Variants in PHTF1 observed in about 807,000 individuals in gnomAD.
The protein encoded by PHTF1 is protein PHTF1.
A neutral mutation model predicts 102.4 loss-of-function variants in PHTF1; 88 were observed. The ratio of observed to expected loss-of-function variants is 0.86; its 90% confidence interval spans 0.72 to 1.03. PHTF1 has a LOEUF of 1.03. Ranked by LOEUF, PHTF1 falls within the 50% of genes least tolerant of loss-of-function variation. The probability of loss-of-function intolerance (pLI) is 0.00; values close to 1 mark genes in which losing one functional copy is unlikely to be tolerated. For missense variants in PHTF1, 814 were observed against 909.5 expected, an observed-to-expected ratio of 0.89 and a Z score of 1.35; for synonymous variants, 289 against 305.2, an observed-to-expected ratio of 0.95 and a Z score of 0.55.
At chr1:113,750,848 A>G (rs1571251823) in intron 3 of PHTF1, among the ~76,000 whole-genome samples, 1 of 151,744 alleles carries the variant, frequency 6.6e-6, no homozygotes, top group East Asian at 1.9e-4. Flanking sequence ...TGTCTCCAAA[A>G]AAAAAAAAAA....
At chr1:113,703,455 G>T (rs1649664902) in intron 15 of PHTF1, among the ~76,000 whole-genome samples, 1 of 152,128 alleles carries the variant, frequency 6.6e-6, no homozygotes, top group Non-Finnish European at 1.5e-5. Context: ...GGTTTCTAGG[G>T]GCTCCCACTG....
In PHTF1 at chr1:113,713,897, A is replaced by G. The variant is rs1043925293; in HGVS notation, c.624-459T>C. 6 of 155,472 alleles carry G rather than the reference A, an allele frequency of 3.9e-5. No homozygotes were observed. The Admixed American group carries it at 3.9e-4, about 10-fold the overall frequency. 9.6% of individuals were successfully genotyped at this position (155,472 alleles called of 1,614,324 possible). ...TGTTCACAGCCCAGGAAGAGACAGA[A>G]GAGTAAAAAGGACTTTGTCTTGCAA... is the stretch of plus-strand genomic sequence containing the variant. On this transcript the variant is annotated intron_variant, in intron 7 of 18. Transcript: ENST00000369604.
intron 3 of PHTF1, among the ~76,000 whole-genome samples, chr1:113,745,865 C>T (rs923799528): frequency 2.0e-5 from 3 of 152,278 alleles, no homozygotes; most frequent in Non-Finnish European, 2.9e-5. Context: ...ACAATTATTT[C>T]ATTATATATT....
chr1:113,742,160 G>A (rs888005084), intron 3 of PHTF1, among the ~76,000 whole-genome samples: 20 of 152,100 alleles, frequency 1.3e-4, no homozygotes, highest in Middle Eastern at 6.4e-3. Flanking sequence ...ATCATACAGC[G>A]TAGTCACACA....
intron 3 of PHTF1, among the ~76,000 whole-genome samples, chr1:113,744,317 CA>C (rs1273360457): frequency 6.6e-6 from 1 of 152,150 alleles, no homozygotes; most frequent in Non-Finnish European, 1.5e-5. Flanking sequence ...GGTATTGATG[CA>C]ATATAATTGG....
Position 113,759,404 on chromosome 1 carries a change from G to T in PHTF1, c.-412C>A, listed in dbSNP as rs184925780. ...GGTGCAAAGGCCCCGGACCCCGAGA[G>T]CCCGGGAGCCCGGGAGGAGGAGGCG... is the stretch of plus-strand genomic sequence containing the variant. On this transcript the variant is annotated 5_prime_UTR_variant, in exon 1 of 19. Coordinates refer to ENST00000369604, the MANE Select transcript of PHTF1 (RefSeq NM_001323043.2). The T allele has an allele frequency of 2.6e-3, 353 of 135,446 alleles. 3 individuals are homozygous for T. Among genetic ancestry groups the T allele is most frequent in the Admixed American group, 5.5e-3 (75 of 13,530 alleles). The allele number at this position is 135,446 out of a possible 1,614,324, so 8.4% of individuals were successfully genotyped here. A position where few individuals can be genotyped will look rare whatever the true frequency, so the allele number is the denominator to read the frequency against.
chr1:113,713,705 A>AC, intron 7 of PHTF1: 1 of 347,450 alleles, frequency 2.9e-6, no homozygotes, highest in South Asian at 3.1e-5. Flanking sequence ...AAGTAGGTTC[A>AC]CAGTCCTCTC....
chr1:113,721,156 C>T (rs556680775), intron 7 of PHTF1, among the ~76,000 whole-genome samples: 10 of 152,156 alleles, frequency 6.6e-5, no homozygotes, highest in African/African-American at 1.4e-4. Context: ...TCATTCATCA[C>T]GACCAAGTAG....
At position 113,715,648 on chromosome 1, in the gene PHTF1, C is replaced by CA. The variant is rs60517410; in HGVS notation, c.624-2211dup. Among the ~76,000 whole-genome samples the CA allele has an allele frequency of 2.4e-3, 60 of 24,978 alleles. 6 individuals carry two copies. Among genetic ancestry groups the CA allele is most frequent in the East Asian group, 0.014 (4 of 276 alleles). 16.4% of individuals were successfully genotyped at this position (24,978 alleles called of 152,430 possible). A position where few individuals can be genotyped will look rare whatever the true frequency, so the allele number is the denominator to read the frequency against. ...GAGCAATGACAGTGAAACCCTGTCT[C>CA]AAAAAAAAAAAAAAAAAAAAAAAAA... On this transcript the variant is annotated intron_variant, in intron 7 of 18. Transcript: ENST00000369604.
intron 3 of PHTF1, 94 bp from the exon 4 acceptor site, chr1:113,738,893 C>G: frequency 1.1e-6 from 1 of 870,944 alleles, no homozygotes; most frequent in Non-Finnish European, 1.8e-6. Context: ...CTCTTGTAGC[C>G]CAGGCTGGAG....
intron 5 of PHTF1, 40 bp from the exon 6 acceptor site, chr1:113,726,614 C>G (rs1032926021): frequency 1.6e-6 from 2 of 1,243,030 alleles, no homozygotes; most frequent in Non-Finnish European, 2.2e-6. Flanking sequence ...CATTAGAGCT[C>G]TTCTTTAAAA....
intron 5 of PHTF1, among the ~76,000 whole-genome samples, chr1:113,728,301 T>C (rs1045244046): frequency 6.6e-5 from 10 of 152,290 alleles, no homozygotes; most frequent in African/African-American, 2.4e-4. Flanking sequence ...AAGATCTGAA[T>C]AGACATTTCT....
In PHTF1 at chr1:113,715,648, C is replaced by CAAAAAAAAAAAAAAAAA. The variant is rs60517410; in HGVS notation, c.624-2227_624-2211dup. On this transcript the variant is annotated intron_variant, in intron 7 of 18. Transcript: ENST00000369604. ...GAGCAATGACAGTGAAACCCTGTCTCAAAAAAAAAAAAAAAAAAAAAAAAA... is the reference window on the plus strand; with the variant it reads ...GAGCAATGACAGTGAAACCCTGTCTCAAAAAAAAAAAAAAAAAAAAAAAAAAAAAAAAAAAAAAAAAA... Among the ~76,000 whole-genome samples, 19 of 24,978 alleles carry CAAAAAAAAAAAAAAAAA rather than the reference C, an allele frequency of 7.6e-4. 1 individual carries two copies. Among genetic ancestry groups the CAAAAAAAAAAAAAAAAA allele is most frequent in the East Asian group, 3.6e-3 (1 of 276 alleles). 16.4% of individuals were successfully genotyped at this position (24,978 alleles called of 152,430 possible).
intron 18 of PHTF1, 90 bp downstream of exon 18, chr1:113,698,152 AACACACACACACACACACAC>A (rs59861045): frequency 1.5e-5 from 8 of 549,658 alleles, no homozygotes; most frequent in Non-Finnish European, 2.2e-5. Flanking sequence ...GCATGCTAGA[AACACACACACACACACACAC>A]ACACACACAC....
rs1252432281 is a variant in PHTF1, at chr1:113,700,928, A to C, written c.1912T>G (p.Phe638Val). ...TCCCAGTTATAAGCATCATTCAGGA[A>C]AGTTTTATGTCCTTGGAGAACCTAT... is the stretch of plus-strand genomic sequence containing the variant. ...CAQVLQGHKT[F>V]LNDAYNWEFL... The change falls in exon 16 of 19, where the codon TTC becomes GTC. Residue 638 changes from phenylalanine (F) to valine (V), a missense_variant. Coordinates refer to ENST00000369604, the MANE Select transcript of PHTF1 (RefSeq NM_001323043.2). 16 of 1,611,088 alleles carry C rather than the reference A, an allele frequency of 9.9e-6. No homozygotes were observed. Among genetic ancestry groups the C allele is most frequent in the Non-Finnish European group, 1.3e-5 (15 of 1,179,124 alleles).
rs555108515 is a variant in PHTF1, at chr1:113,699,808, A to G, written c.2047-9T>C. 5 of 1,011,550 alleles carry G rather than the reference A, an allele frequency of 4.9e-6. No individual in the cohort carries two copies. The South Asian group carries it at 7.2e-5, about 15-fold the overall frequency. 62.7% of individuals were successfully genotyped at this position (1,011,550 alleles called of 1,614,324 possible). A position where few individuals can be genotyped will look rare whatever the true frequency, so the allele number is the denominator to read the frequency against. On this transcript the variant is annotated splice_polypyrimidine_tract_variant and intron_variant, in intron 16 of 18. Transcript: ENST00000369604. Reference sequence around the variant, plus strand: ...TTAAGATATAAATTAATCTAAGGGAAGGAATAGAAATTAAGGTAAATTTCT... The same window carrying G: ...TTAAGATATAAATTAATCTAAGGGAGGGAATAGAAATTAAGGTAAATTTCT...
chr1:113,757,740 G>C lies in PHTF1; in HGVS notation c.61C>G (p.Gln21Glu). 6.2e-7 allele frequency: 1 copy of C among 1,605,058 alleles called. No homozygotes were observed. Among genetic ancestry groups the C allele is most frequent in the Admixed American group, 1.7e-5 (1 of 60,018 alleles). ...TCGATTGACTTTTCCCATATCTGCT[G>C]ATCGTAGGCTCCAATCTGAAAGAGG... ...WYQKKIGAYD[Q>E]QIWEKSIEQT... Residue 21 changes from glutamine to glutamate, a missense_variant, in exon 3 of 19, where the codon CAG becomes GAG. Coordinates refer to ENST00000369604, the MANE Select transcript of PHTF1 (RefSeq NM_001323043.2).
chr1:113,738,094 C>T lies in PHTF1; in HGVS notation c.331+16G>A, dbSNP rs1189789067. On this transcript the variant is annotated intron_variant, in intron 5 of 18. Coordinates refer to ENST00000369604, the MANE Select transcript of PHTF1 (RefSeq NM_001323043.2). ...AAAAAGAAACTGTCATTGCTTATTC[C>T]AATTTCTCCAATTACCTTGCATGAA... 2 of 1,567,406 alleles carry T rather than the reference C, an allele frequency of 1.3e-6. No individual in the cohort carries two copies. Among genetic ancestry groups the T allele is most frequent in the African/African-American group, 1.4e-5 (1 of 73,568 alleles).
intron 15 of PHTF1, among the ~76,000 whole-genome samples, chr1:113,702,362 AAAGT>A (rs988871344): frequency 5.6e-4 from 86 of 152,266 alleles, no homozygotes; most frequent in African/African-American, 2.0e-3. Context: ...GCAGGTAGAA[AAAGT>A]AAGAACCAAA....
Sources: allele counts gnomAD v4.1 joint callset (sites outside exome capture counted in the v4.1 genomes callset), GRCh38; gene constraint gnomAD v4.1.1; transcripts MANE v1.5; gene names NCBI Gene and HGNC (gene_info 2026-07-23, HGNC 2026-07-21).